The following CSGALNACT1 variants were observed in gnomAD, a reference collection of about 807,000 sequenced individuals.
The protein encoded by CSGALNACT1 is chondroitin sulfate N-acetylgalactosaminyltransferase 1.
Under a neutral mutation model 51.0 loss-of-function variants are expected in CSGALNACT1, and 52 were observed. The observed-to-expected ratio is 1.02, with a 90% confidence interval of 0.82 to 1.29. The LOEUF (loss-of-function observed/expected upper bound fraction) is 1.29. Ranked by LOEUF, CSGALNACT1 falls within the 50% of genes most tolerant of loss-of-function variation. CSGALNACT1 has a pLI of 0.00. For synonymous variants in CSGALNACT1, 341 were observed against 254.4 expected (o/e 1.34, Z -3.24); for missense variants, 935 against 679.2 (o/e 1.38, Z -4.19).
chr8:19,705,822 T>A (rs1355685989), intron 1 of CSGALNACT1, among the ~76,000 whole-genome samples: 2 of 152,270 alleles, frequency 1.3e-5, no homozygotes, highest in East Asian at 3.9e-4. Context: ...AATATATAAA[T>A]ACAACCATAA....
intron 1 of CSGALNACT1, among the ~76,000 whole-genome samples, chr8:19,746,673 C>G (rs898137444): frequency 2.0e-5 from 3 of 152,128 alleles, no homozygotes; most frequent in South Asian, 2.1e-4. Flanking sequence ...ATCATTGGTT[C>G]TCTCATTAAT....
At chr8:19,539,543 A>C (rs2084590842) in intron 3 of CSGALNACT1, among the ~76,000 whole-genome samples, 2 of 152,316 alleles carry the variant, frequency 1.3e-5, no homozygotes, top group South Asian at 4.1e-4. Flanking sequence ...GAAAGTCATG[A>C]ATATCAGGAG....
intron 1 of CSGALNACT1, among the ~76,000 whole-genome samples, chr8:19,658,181 A>C (rs545562580): frequency 6.6e-6 from 1 of 151,410 alleles, no homozygotes; most frequent in Non-Finnish European, 1.5e-5. Context: ...GTGTGCCCTT[A>C]TAACAGAATT....
chr8:19,523,402 C>A (rs2081095547), intron 3 of CSGALNACT1, among the ~76,000 whole-genome samples: 1 of 152,100 alleles, frequency 6.6e-6, no homozygotes, highest in Non-Finnish European at 1.5e-5. Flanking sequence ...GGAGCAGGGA[C>A]TACAGATGCA....
At chr8:19,718,063 C>A (rs1256137199) in intron 1 of CSGALNACT1, among the ~76,000 whole-genome samples, 3 of 152,204 alleles carry the variant, frequency 2.0e-5, no homozygotes, top group Middle Eastern at 3.4e-3. Context: ...GCCCAGAGTC[C>A]CTTTTTATGA....
intron 3 of CSGALNACT1, among the ~76,000 whole-genome samples, chr8:19,565,902 C>T (rs952578500): frequency 6.6e-6 from 1 of 152,210 alleles, no homozygotes. Flanking sequence ...CAGAGCAAGG[C>T]TCCATCTCAA....
intron 4 of CSGALNACT1, among the ~76,000 whole-genome samples, chr8:19,498,158 G>C (rs1204500208): frequency 2.0e-5 from 3 of 152,078 alleles, no homozygotes; most frequent in African/African-American, 7.2e-5. Flanking sequence ...CAGAATTGTG[G>C]GTTCACAATT....
chr8:19,591,690 GA>G (rs1312408005), intron 2 of CSGALNACT1, among the ~76,000 whole-genome samples: 5 of 152,118 alleles, frequency 3.3e-5, no homozygotes, highest in Non-Finnish European at 5.9e-5. Context: ...TTGGGAGGCT[GA>G]GGCAGGAGGA....
intron 1 of CSGALNACT1, among the ~76,000 whole-genome samples, chr8:19,634,664 AT>A (rs915911787): frequency 3.3e-5 from 5 of 151,950 alleles, no homozygotes; most frequent in Admixed American, 6.6e-5. Context: ...CTGTCTCAAT[AT>A]TTTTTTTAAA....
intron 4 of CSGALNACT1, among the ~76,000 whole-genome samples, chr8:19,477,900 G>T (rs188475870): frequency 6.6e-6 from 1 of 152,138 alleles, no homozygotes; most frequent in Non-Finnish European, 1.5e-5. Context: ...TCCCATACAC[G>T]TCCAAACTAC....
chr8:19,487,827 G>C (rs1294221455), intron 4 of CSGALNACT1, among the ~76,000 whole-genome samples: 1 of 152,124 alleles, frequency 6.6e-6, no homozygotes, highest in Non-Finnish European at 1.5e-5. Flanking sequence ...CTAGTCAAAG[G>C]CAGCTTGGGG....
intron 1 of CSGALNACT1, among the ~76,000 whole-genome samples, chr8:19,726,821 C>T (rs1405561971): frequency 6.6e-6 from 1 of 152,172 alleles, no homozygotes; most frequent in Non-Finnish European, 1.5e-5. Context: ...ACAACAGGAA[C>T]GGATTCTGAC....
intron 1 of CSGALNACT1, among the ~76,000 whole-genome samples, chr8:19,755,456 C>CAAAAAAGA (rs2065299633): frequency 1.3e-5 from 1 of 74,532 alleles, no homozygotes; most frequent in Non-Finnish European, 2.5e-5. Flanking sequence ...TAAAGAAAGA[C>CAAAAAAGA]AAAAAAAAAA....
chr8:19,544,243 A>G (rs1005809249), intron 3 of CSGALNACT1, among the ~76,000 whole-genome samples: 2 of 152,206 alleles, frequency 1.3e-5, no homozygotes, highest in African/African-American at 4.8e-5. Flanking sequence ...GACAGCTGGA[A>G]TATGTGCCAC....
At chr8:19,673,727 C>T (rs1053091959) in intron 1 of CSGALNACT1, among the ~76,000 whole-genome samples, 5 of 152,326 alleles carry the variant, frequency 3.3e-5, no homozygotes, top group Non-Finnish European at 7.3e-5. Context: ...AACATCTTAG[C>T]ACACTTGTTA....
chr8:19,728,352 A>T (rs1358448023), intron 1 of CSGALNACT1, among the ~76,000 whole-genome samples: 1 of 152,230 alleles, frequency 6.6e-6, no homozygotes, highest in African/African-American at 2.4e-5. Context: ...AGCTCTAAAA[A>T]TAAAAAGTGA....
At chr8:19,586,971 G>A (rs2046802786) in intron 3 of CSGALNACT1, among the ~76,000 whole-genome samples, 1 of 152,142 alleles carries the variant, frequency 6.6e-6, no homozygotes, top group African/African-American at 2.4e-5. Flanking sequence ...TCTGGGAAAC[G>A]CTGGTCTCAT....
At chr8:19,701,432 G>A (rs1403560467) in intron 1 of CSGALNACT1, among the ~76,000 whole-genome samples, 1 of 152,102 alleles carries the variant, frequency 6.6e-6, no homozygotes, top group East Asian at 1.9e-4. Flanking sequence ...AGGATTACAG[G>A]TGTGAGCCAC....
At chr8:19,503,276 C>A (rs4922047) in intron 4 of CSGALNACT1, among the ~76,000 whole-genome samples, 2 of 152,068 alleles carry the variant, frequency 1.3e-5, no homozygotes, top group African/African-American at 4.8e-5. Context: ...GTGCTGCCCA[C>A]GAAATCAATA....
Sources: allele counts gnomAD v4.1 joint callset (sites outside exome capture counted in the v4.1 genomes callset), GRCh38; gene constraint gnomAD v4.1.1; transcripts MANE v1.5; gene names NCBI Gene and HGNC (gene_info 2026-07-23, HGNC 2026-07-21).